HNRNPA2B1: variants seen among roughly 807,000 people sequenced by gnomAD.
HNRNPA2B1 encodes the protein heterogeneous nuclear ribonucleoprotein A2/B1, also known as heterogeneous nuclear ribonucleoproteins A2/B1.
Under a neutral mutation model 46.3 loss-of-function variants are expected in HNRNPA2B1, and 3 were observed. The ratio of observed to expected loss-of-function variants is 0.06; its 90% CI spans 0.03 to 0.17. The LOEUF is 0.17. Ranked by LOEUF, HNRNPA2B1 falls within the 10% of genes least tolerant of loss-of-function variation. HNRNPA2B1 has a pLI of 1.00. For missense variants in HNRNPA2B1, 221 were observed against 418.9 expected (o/e 0.53, Z 4.12); for synonymous variants, 225 against 133.8 (o/e 1.68, Z -4.70).
In HNRNPA2B1 at chr7:26,197,012, A is replaced by G; in HGVS notation, c.270T>C (p.Ser90=). The G allele has an allele frequency of 6.2e-7, 1 of 1,610,892 alleles. No individual in the cohort carries two copies. Among genetic ancestry groups the G allele is most frequent in the Non-Finnish European group, 8.5e-7 (1 of 1,178,948 alleles). The change falls in exon 4 of 11, where the codon TCT becomes TCC. Residue 90 remains serine, a synonymous_variant. Coordinates refer to ENST00000618183, the MANE Select transcript of HNRNPA2B1 (RefSeq NM_002137.4). ...CAGTTACATGAGCCCCTGGTTTTCC[A>G]GATTCCTAAAATAGTGGTGGGGTAA... ...EPKRAVAREE[S]GKPGAHVTVK...
chr7:26,195,783 G>C, intron 7 of HNRNPA2B1, 64 bp downstream of exon 7: 23 of 1,539,328 alleles, frequency 1.5e-5, no homozygotes, highest in Non-Finnish European at 2.0e-5. Context: ...TATAAATGAA[G>C]TAAATATACG....
chr7:26,194,296 T>C (rs1783252023), intron 7 of HNRNPA2B1, among the ~76,000 whole-genome samples: 1 of 152,118 alleles, frequency 6.6e-6, no homozygotes, highest in African/African-American at 2.4e-5. Flanking sequence ...CTCTGGAGGC[T>C]GAGGCAGGAG....
chr7:26,196,260 AAG>A (rs1165773921), intron 6 of HNRNPA2B1, 139 bp downstream of exon 6: 1 of 696,946 alleles, frequency 1.4e-6, no homozygotes, highest in Admixed American at 3.0e-5. Flanking sequence ...GCCAAATCAC[AAG>A]AGCTTGCCAG....
At chr7:26,198,546 T>C (rs764508666) in intron 1 of HNRNPA2B1, 10 of 152,210 alleles carry the variant, frequency 6.6e-5, no homozygotes, top group Non-Finnish European at 1.2e-4. Context: ...ATCTCTAAGA[T>C]AACAATTACT....
At position 26,192,725 on chromosome 7, in the gene HNRNPA2B1, G is replaced by A; in HGVS notation, c.965-148C>T. On this transcript the variant is annotated intron_variant, in intron 9 of 10. Coordinates refer to ENST00000618183, the MANE Select transcript of HNRNPA2B1 (RefSeq NM_002137.4). ...TGCAGCCAGTTAGCAGAATTACTCA[G>A]GAGATAAATTACTCGGGTTCATAGA... 5.9e-6 allele frequency: 4 copies of A among 680,540 alleles called. No individual in the cohort carries two copies. In the South Asian group the frequency reaches 7.4e-5, roughly 13 times the overall value. 42.2% of individuals were successfully genotyped at this position (680,540 alleles called of 1,614,324 possible). A position where few individuals can be genotyped will look rare whatever the true frequency, so the allele number is the denominator to read the frequency against.
chr7:26,194,611 G>A (rs1456986913), intron 7 of HNRNPA2B1, among the ~76,000 whole-genome samples: 4 of 151,164 alleles, frequency 2.6e-5, no homozygotes, highest in African/African-American at 9.7e-5. Flanking sequence ...TGAGGTGGGA[G>A]GATGGCTTGA....
chr7:26,198,017 A>G, intron 1 of HNRNPA2B1: 1 of 446,238 alleles, frequency 2.2e-6, no homozygotes, highest in Non-Finnish European at 3.9e-6. Context: ...AAATTATCTT[A>G]AATTATTAAT....
At chr7:26,194,675 A>G (rs540841688) in intron 7 of HNRNPA2B1, among the ~76,000 whole-genome samples, 1 of 152,186 alleles carries the variant, frequency 6.6e-6, no homozygotes, top group African/African-American at 2.4e-5. Context: ...TCTGAGCAAC[A>G]AAGCCAGACC....
At chr7:26,197,942 A>C in intron 1 of HNRNPA2B1, 1 of 937,098 alleles carries the variant, frequency 1.1e-6, no homozygotes, top group Non-Finnish European at 1.5e-6. Context: ...ACACCAAAAA[A>C]TTGCCTCAGC....
chr7:26,196,130 A>C (rs78114798), intron 6 of HNRNPA2B1, among the ~76,000 whole-genome samples: 381 of 152,318 alleles, frequency 2.5e-3, no homozygotes, highest in Admixed American at 4.2e-3. Flanking sequence ...ATTCCATCCT[A>C]TTTATACGTA....
At chr7:26,198,140 CTATTTT>C in intron 1 of HNRNPA2B1, 1 of 308,448 alleles carries the variant, frequency 3.2e-6, no homozygotes, top group Non-Finnish European at 5.8e-6. Context: ...ACGCAAATTT[CTATTTT>C]TAAACATCAG....
At position 26,191,429 on chromosome 7, in the gene HNRNPA2B1, A is replaced by G. The variant is rs1052598410; in HGVS notation, c.*931T>C. On this transcript the variant is annotated 3_prime_UTR_variant, in exon 11 of 11. Coordinates refer to ENST00000618183, the MANE Select transcript of HNRNPA2B1 (RefSeq NM_002137.4). Reference sequence around the variant, plus strand: ...AAGTAAATAAGATCTTACCTAAAGAAGTTTAACTGAAGCTTAGAACTATTT... The same window carrying G: ...AAGTAAATAAGATCTTACCTAAAGAGGTTTAACTGAAGCTTAGAACTATTT... 1.3e-5 allele frequency: 2 copies of G among 152,214 alleles called. No homozygotes were observed. The highest frequency in any genetic ancestry group is 1.3e-4 in the Admixed American group (2 of 15,284). 9.4% of individuals were successfully genotyped at this position (152,214 alleles called of 1,614,324 possible). A position where few individuals can be genotyped will look rare whatever the true frequency, so the allele number is the denominator to read the frequency against.
intron 1 of HNRNPA2B1, chr7:26,198,275 G>A (rs757427341): frequency 6.4e-6 from 1 of 155,454 alleles, no homozygotes; most frequent in Non-Finnish European, 1.4e-5. Flanking sequence ...AAGTATCTCA[G>A]CCAAAAAAAC....
intron 7 of HNRNPA2B1, among the ~76,000 whole-genome samples, chr7:26,195,374 G>C (rs969439144): frequency 6.6e-6 from 1 of 152,182 alleles, no homozygotes; most frequent in East Asian, 1.9e-4. Flanking sequence ...TTTAATGGTA[G>C]TTCACAACCT....
chr7:26,197,773 CCT>C, intron 1 of HNRNPA2B1, 41 bp from the exon 2 acceptor site: 1 of 1,599,218 alleles, frequency 6.3e-7, no homozygotes, highest in East Asian at 2.2e-5. Flanking sequence ...TTTACATTTT[CCT>C]CTTTGTATGC....
intron 3 of HNRNPA2B1, 118 bp downstream of exon 3, chr7:26,197,197 A>C (rs1712610229): frequency 3.8e-6 from 5 of 1,305,192 alleles, no homozygotes; most frequent in Non-Finnish European, 4.2e-6. Flanking sequence ...CCAGAAACCC[A>C]ACACACCTTT....
intron 6 of HNRNPA2B1, 77 bp downstream of exon 6, chr7:26,196,324 A>C: frequency 8.4e-7 from 1 of 1,190,172 alleles, no homozygotes; most frequent in Non-Finnish European, 1.2e-6. Context: ...GGATTTCTTG[A>C]TTCTACTAAT....
intron 7 of HNRNPA2B1, 125 bp downstream of exon 7, chr7:26,195,722 A>T (rs892300202): frequency 1.9e-6 from 2 of 1,064,612 alleles, no homozygotes; most frequent in Non-Finnish European, 2.7e-6. Flanking sequence ...CTGGACCACT[A>T]TCACCCAAGC....
rs1037484352 is a variant in HNRNPA2B1 at position 26,192,230 on chromosome 7, A to T, written c.*130T>A. ...CTGGTGTCTTCTGCCATATCACTGC[A>T]TATTTATGCATGACTGAGATAAGAG... On this transcript the variant is annotated 3_prime_UTR_variant, in exon 11 of 11. Transcript: ENST00000618183. The T allele has an allele frequency of 2.9e-6, 1 of 350,356 alleles. No homozygotes were observed. The highest frequency in any genetic ancestry group is 5.3e-6 in the Non-Finnish European group (1 of 190,326). 21.7% of individuals were successfully genotyped at this position (350,356 alleles called of 1,614,324 possible).
Sources: allele counts gnomAD v4.1 joint callset (sites outside exome capture counted in the v4.1 genomes callset), GRCh38; gene constraint gnomAD v4.1.1; transcripts MANE v1.5; gene names NCBI Gene and HGNC (gene_info 2026-07-23, HGNC 2026-07-21).